The following DECR2 variants were observed in gnomAD, a reference collection of about 807,000 sequenced individuals.
DECR2 encodes the protein 2,4-dienoyl-CoA reductase 2.
A neutral mutation model predicts 29.2 loss-of-function variants in DECR2; 34 were observed. The ratio of observed to expected loss-of-function variants is 1.16; its 90% CI spans 0.89 to 1.55. The LOEUF is 1.55. Ranked by LOEUF, DECR2 falls within the 40% of genes most tolerant of loss-of-function variation. DECR2 has a pLI of 0.00. For synonymous variants in DECR2, 224 were observed against 182.7 expected (o/e 1.23, Z -1.82); for missense variants, 485 against 425.3 (o/e 1.14, Z -1.23).
chr16:406,543 G>T, intron 3 of DECR2, 146 bp downstream of exon 3: 1 of 777,400 alleles, frequency 1.3e-6, no homozygotes, highest in Non-Finnish European at 2.1e-6. Flanking sequence ...TGTCACCCAG[G>T]CTGAAGTGTG....
Position 410,672 on chromosome 16 carries a change from C to T in DECR2, c.463-19C>T, listed in dbSNP as rs770721092. The stretch of plus-strand genomic sequence containing the variant: ...CCCGACACCCGCCCGCTCACTGCCC[C>T]GGGCCTTGTGTGTTGCAGGACCACG... On this transcript the variant is annotated intron_variant, in intron 5 of 8. Coordinates refer to ENST00000219481, the MANE Select transcript of DECR2 (RefSeq NM_020664.4). This position sits in a 1 kb window ranked among gnomAD's most constrained non-coding sequence, Gnocchi z 4.1. 33 of 1,590,610 alleles carry T rather than the reference C, an allele frequency of 2.1e-5. No individual in the cohort carries two copies. Among genetic ancestry groups the T allele is most frequent in the South Asian group, 1.0e-4 (9 of 88,086 alleles).
At chr16:404,468 G>A (rs1241670767) in intron 1 of DECR2, among the ~76,000 whole-genome samples, 1 of 151,852 alleles carries the variant, frequency 6.6e-6, no homozygotes, top group Admixed American at 6.6e-5. Context: ...TCGAACTCCC[G>A]ACCTCAGGTG....
chr16:406,529 G>T, intron 3 of DECR2, 132 bp downstream of exon 3: 6 of 849,078 alleles, frequency 7.1e-6, no homozygotes, highest in Non-Finnish European at 9.2e-6. Context: ...CGGGAGTCTC[G>T]CTCTGTCACC....
chr16:404,394 A>G (rs898432518), intron 1 of DECR2, among the ~76,000 whole-genome samples: 10 of 150,238 alleles, frequency 6.7e-5, no homozygotes, highest in Admixed American at 2.6e-4. Context: ...ATGCACCACC[A>G]CACCCGGCTA....
At position 411,077 on chromosome 16, in the gene DECR2, G is replaced by T. The variant is rs1197847217; in HGVS notation, c.661+1G>T. Reference sequence around the variant, plus strand: ...GGCACAGAGGGGCTCCGGCGACTGGGTAAGGCTCTCAGGGAGCCCAGGCCT... The same window carrying T: ...GGCACAGAGGGGCTCCGGCGACTGGTTAAGGCTCTCAGGGAGCCCAGGCCT... On this transcript the variant is annotated splice_donor_variant, in intron 7 of 8. Transcript: ENST00000219481. LOFTEE classifies it high-confidence loss of function. 5.3e-6 allele frequency: 8 copies of T among 1,523,434 alleles called. No individual in the cohort carries two copies. Among genetic ancestry groups the T allele is most frequent in the African/African-American group, 1.4e-5 (1 of 72,146 alleles). 94.4% of individuals were successfully genotyped at this position (1,523,434 alleles called of 1,614,324 possible).
chr16:407,226 G>A (rs13331692), intron 3 of DECR2, 199 bp from the exon 4 acceptor site: 671,724 of 1,395,044 alleles, frequency 0.48, 165,656 homozygotes, highest in Middle Eastern at 0.56. Flanking sequence ...GGTGGCAGGT[G>A]GGGGGAGAGC....
chr16:405,140 C>T (rs749474055), intron 2 of DECR2, 116 bp downstream of exon 2: 18 of 1,280,070 alleles, frequency 1.4e-5, no homozygotes, highest in South Asian at 2.5e-5. Flanking sequence ...CTCACCTACC[C>T]GACAGGATCC....
chr16:406,519 CG>C, intron 3 of DECR2, 122 bp downstream of exon 3: 1 of 956,428 alleles, frequency 1.0e-6, no homozygotes, highest in South Asian at 1.5e-5. Flanking sequence ...TTTTCTGAGA[CG>C]GGAGTCTCGC....
At chr16:409,232 C>G (rs943993931) in intron 4 of DECR2, among the ~76,000 whole-genome samples, 2 of 150,324 alleles carry the variant, frequency 1.3e-5, no homozygotes, top group African/African-American at 2.4e-5. Flanking sequence ...AGTGCAGTGG[C>G]GCAATCTTGG....
chr16:406,281 C>G, intron 2 of DECR2, 65 bp from the exon 3 acceptor site: 1 of 1,444,032 alleles, frequency 6.9e-7, no homozygotes, highest in African/African-American at 2.3e-5. Flanking sequence ...TGCTCAGGAG[C>G]TGGGCAGATG....
At chr16:409,540 C>T (rs1003046018) in intron 4 of DECR2, 2 of 152,160 alleles carry the variant, frequency 1.3e-5, no homozygotes, top group African/African-American at 4.8e-5. Context: ...CATACTCCCA[C>T]CTACAGTTTT....
At chr16:403,119 C>T in intron 1 of DECR2, 5 of 734,486 alleles carry the variant, frequency 6.8e-6, no homozygotes, top group Non-Finnish European at 6.7e-6. Context: ...CTGCCTCAGC[C>T]TCCCAATTCT....
intron 4 of DECR2, among the ~76,000 whole-genome samples, chr16:408,387 G>A (rs35593667): frequency 3.3e-5 from 5 of 151,750 alleles, no homozygotes; most frequent in African/African-American, 9.7e-5. Context: ...CTCTGTCTCC[G>A]GCCTGACTCC....
chr16:403,300 G>A (rs2054688926), intron 1 of DECR2, among the ~76,000 whole-genome samples: 1 of 152,154 alleles, frequency 6.6e-6, no homozygotes, highest in Non-Finnish European at 1.5e-5. Context: ...GATGACAGGA[G>A]TGAGACGCTG....
At chr16:407,313 C>G in intron 3 of DECR2, 112 bp from the exon 4 acceptor site, 1 of 1,480,742 alleles carries the variant, frequency 6.8e-7, no homozygotes, top group South Asian at 1.4e-5. Context: ...GGTCCAGCAG[C>G]AAACCCAGGG....
chr16:406,542 G>T, intron 3 of DECR2, 145 bp downstream of exon 3: 1 of 782,110 alleles, frequency 1.3e-6, no homozygotes, highest in Admixed American at 2.4e-5. Flanking sequence ...CTGTCACCCA[G>T]GCTGAAGTGT....
Position 407,461 on chromosome 16 carries a change from T to C in DECR2, c.238T>C (p.Cys80Arg). The C allele has an allele frequency of 6.2e-7, 1 of 1,612,722 alleles. No individual in the cohort carries two copies. Among genetic ancestry groups the C allele is most frequent in the Non-Finnish European group, 8.5e-7 (1 of 1,179,658 alleles). ...RKLAGATGRR[C>R]LPLSMDVRAP... Reference sequence around the variant, plus strand: ...GCTGGCTGGGGCCACCGGCCGGCGCTGCCTCCCTCTCTCTATGGACGTCCG... The same window carrying C: ...GCTGGCTGGGGCCACCGGCCGGCGCCGCCTCCCTCTCTCTATGGACGTCCG... Residue 80 changes from cysteine (C) to arginine (R), a missense_variant, in exon 4 of 9, where the codon TGC becomes CGC. By Grantham distance (180) the Cys-to-Arg change is radical. Transcript: ENST00000219481.
At chr16:404,459 C>T (rs1191573611) in intron 1 of DECR2, among the ~76,000 whole-genome samples, 1 of 151,672 alleles carries the variant, frequency 6.6e-6, no homozygotes, top group Non-Finnish European at 1.5e-5. Flanking sequence ...AGGCTGGTCT[C>T]GAACTCCCGA....
intron 2 of DECR2, chr16:405,661 G>C: frequency 8.0e-7 from 1 of 1,248,584 alleles, no homozygotes; most frequent in Non-Finnish European, 1.1e-6. Flanking sequence ...GTTTGTCTGT[G>C]TCAGGTGATT....
Sources: allele counts gnomAD v4.1 joint callset (sites outside exome capture counted in the v4.1 genomes callset), GRCh38; gene constraint gnomAD v4.1.1; non-coding constraint Gnocchi (gnomAD v3.1); transcripts MANE v1.5; gene names NCBI Gene and HGNC (gene_info 2026-07-23, HGNC 2026-07-21).